EWSR1: variants seen among roughly 807,000 people sequenced by gnomAD.
EWSR1 encodes the protein EWS RNA binding protein 1.
Under a neutral mutation model 92.1 loss-of-function variants are expected in EWSR1, and 14 were observed. The ratio of observed to expected loss-of-function variants is 0.15; its 90% CI spans 0.10 to 0.24. The LOEUF (loss-of-function observed/expected upper bound fraction) is 0.24, where lower values mean the gene tolerates loss of function less well. Among genes scored for constraint, EWSR1 ranks in the 10% least tolerant of loss-of-function variants. The pLI, the probability that EWSR1 is intolerant of heterozygous loss-of-function variation, is 1.00. For synonymous variants in EWSR1, 303 were observed against 292.9 expected, an observed-to-expected ratio of 1.03 and a Z score of -0.35; for missense variants, 637 against 870.9, an observed-to-expected ratio of 0.73 and a Z score of 3.38.
At chr22:29,287,380 G>T (rs1026879142) in intron 7 of EWSR1, among the ~76,000 whole-genome samples, 2 of 152,072 alleles carry the variant, frequency 1.3e-5, no homozygotes, top group African/African-American at 4.8e-5. Context: ...GCTATTTTTT[G>T]TATTTTTCGT....
Position 29,298,915 on chromosome 22 carries a change from A to C in EWSR1, c.1580+20A>C. ...CAATCCGTATGTACTTGTCTTGGCA[A>C]ATTGATACCCTACGAGTGAAGCCAC... is the stretch of plus-strand genomic sequence containing the variant. On this transcript the variant is annotated intron_variant, in intron 14 of 16. Transcript: ENST00000397938. 1 of 1,527,716 alleles carries C rather than the reference A, an allele frequency of 6.5e-7. No homozygotes were observed. The highest frequency in any genetic ancestry group is 8.7e-7 in the Non-Finnish European group (1 of 1,143,654). The allele number at this position is 1,527,716 out of a possible 1,614,324, so 94.6% of individuals were successfully genotyped here.
intron 5 of EWSR1, 57 bp from the exon 6 acceptor site, chr22:29,282,333 T>A: frequency 6.9e-7 from 1 of 1,450,028 alleles, no homozygotes; most frequent in South Asian, 1.4e-5. Flanking sequence ...GTTTTGTGGT[T>A]GACCAACCAC....
chr22:29,287,988 G>A (rs1387226431), intron 7 of EWSR1, among the ~76,000 whole-genome samples: 3 of 152,118 alleles, frequency 2.0e-5, no homozygotes, highest in East Asian at 1.9e-4. Context: ...ACCACCCTGG[G>A]CAACATAGTG....
intron 4 of EWSR1, among the ~76,000 whole-genome samples, chr22:29,274,090 T>C (rs2058910920): frequency 6.6e-6 from 1 of 152,364 alleles, no homozygotes; most frequent in South Asian, 2.1e-4. Context: ...AAAGAACTTT[T>C]AACTGTTTGA....
At chr22:29,286,710 A>C (rs1377385364) in intron 6 of EWSR1, among the ~76,000 whole-genome samples, 1 of 140,300 alleles carries the variant, frequency 7.1e-6, no homozygotes, top group Non-Finnish European at 1.5e-5. Flanking sequence ...AAAAAAAAAA[A>C]AATTTTTTTG....
rs553791452 is a variant in EWSR1 at position 29,281,693 on chromosome 22, G to A, written c.414-697G>A. On this transcript the variant is annotated intron_variant, in intron 5 of 16. Coordinates refer to ENST00000397938, the MANE Select transcript of EWSR1 (RefSeq NM_005243.4). Reference sequence around the variant, plus strand: ...CCTCCTGGGTTCACGCCATTCTCCTGCCTCAGCTTCCTGAGTAGCTGGGAC... The same window carrying A: ...CCTCCTGGGTTCACGCCATTCTCCTACCTCAGCTTCCTGAGTAGCTGGGAC... Among the ~76,000 whole-genome samples the A allele has an allele frequency of 1.7e-3, 256 of 152,132 alleles. 1 individual carries two copies. Among genetic ancestry groups the A allele is most frequent in the African/African-American group, 5.7e-3 (237 of 41,488 alleles).
At chr22:29,290,708 T>C (rs1034002105) in intron 8 of EWSR1, 1 of 1,296,640 alleles carries the variant, frequency 7.7e-7, no homozygotes, top group Non-Finnish European at 9.8e-7. Context: ...TTATGGTGTG[T>C]ACTTTTAAAA....
At chr22:29,298,957 C>A in intron 14 of EWSR1, 62 bp downstream of exon 14, 1 of 1,480,622 alleles carries the variant, frequency 6.8e-7, no homozygotes, top group Non-Finnish European at 9.0e-7. Context: ...CTCACCCCAT[C>A]CCCACTCTAG....
chr22:29,292,191 G>A, intron 10 of EWSR1, 22 bp downstream of exon 10: 1 of 1,611,970 alleles, frequency 6.2e-7, no homozygotes, highest in East Asian at 2.2e-5. Context: ...TTCTAGTTGT[G>A]CTTCATATCG....
At chr22:29,298,610 G>A (rs746196344) in intron 13 of EWSR1, 123 bp from the exon 14 acceptor site, 339 of 1,225,744 alleles carry the variant, frequency 2.8e-4, no homozygotes, top group Admixed American at 1.2e-3. Context: ...ACGGAAACAC[G>A]GGACAGGTGA....
At chr22:29,296,667 A>C (rs993038301) in intron 12 of EWSR1, among the ~76,000 whole-genome samples, 3 of 152,254 alleles carry the variant, frequency 2.0e-5, no homozygotes, top group Non-Finnish European at 4.4e-5. Context: ...GTACATTTGC[A>C]TATAGATAAA....
chr22:29,292,333 A>AG (rs1260675262), intron 10 of EWSR1, among the ~76,000 whole-genome samples, 155 bp from the exon 11 acceptor site: 1 of 152,240 alleles, frequency 6.6e-6, no homozygotes, highest in African/African-American at 2.4e-5. Context: ...AATTGCCTTA[A>AG]GTGAAGTAAA....
intron 11 of EWSR1, 44 bp downstream of exon 11, chr22:29,292,650 A>T (rs111852854): frequency 2.1e-5 from 27 of 1,297,768 alleles, no homozygotes; most frequent in Non-Finnish European, 2.6e-5. Context: ...ACTTTAAACC[A>T]CAGAGCATTT....
At chr22:29,299,098 C>G in intron 14 of EWSR1, 136 bp from the exon 15 acceptor site, 1 of 1,533,834 alleles carries the variant, frequency 6.5e-7, no homozygotes, top group Non-Finnish European at 8.9e-7. Context: ...TGCAATGCTG[C>G]CTGAGGCTGT....
chr22:29,296,888 C>G (rs569616917), intron 12 of EWSR1, among the ~76,000 whole-genome samples: 2 of 152,006 alleles, frequency 1.3e-5, no homozygotes, highest in African/African-American at 4.8e-5. Flanking sequence ...AAAAAAAATA[C>G]AAAAATTAGC....
chr22:29,277,713 C>G (rs982528583), intron 4 of EWSR1: 1 of 297,394 alleles, frequency 3.4e-6, no homozygotes, highest in Non-Finnish European at 6.3e-6. Flanking sequence ...ACAGACTTGG[C>G]AAAAACAGAC....
Position 29,300,211 on chromosome 22 carries a change from C to T in EWSR1, c.*50C>T, listed in dbSNP as rs747348720. 2.0e-6 allele frequency: 3 copies of T among 1,535,420 alleles called. No homozygotes were observed. The highest frequency in any genetic ancestry group is 2.7e-6 in the Non-Finnish European group (3 of 1,115,890). ...TTGACTACCAGATTTATTTTTTAAA[C>T]CAGAAAATGTTTTAAATTTATAATT... On this transcript the variant is annotated 3_prime_UTR_variant, in exon 17 of 17. Transcript: ENST00000397938.
rs773059081 is a variant in EWSR1 at position 29,268,396 on chromosome 22, C to G, written c.13+47C>G. On this transcript the variant is annotated intron_variant, in intron 1 of 16. Coordinates refer to ENST00000397938, the MANE Select transcript of EWSR1 (RefSeq NM_005243.4). ...TCGCGCCGGCGGTAGCCGGAACGCC[C>G]AAACTGGGGGTCGTTCGTCTCTGGG... 3 of 1,613,692 alleles carry G rather than the reference C, an allele frequency of 1.9e-6. No homozygotes were observed. The African/African-American group carries it at 4.0e-5, about 22-fold the overall frequency.
At chr22:29,294,329 G>A (rs577562511) in intron 11 of EWSR1, among the ~76,000 whole-genome samples, 39 of 152,144 alleles carry the variant, frequency 2.6e-4, no homozygotes, top group African/African-American at 5.8e-4. Context: ...TGATTTGGCC[G>A]GGCGCGGTAG....
Sources: gnomAD v4.1 joint callset for allele counts (sites outside exome capture counted in the v4.1 genomes callset) on GRCh38, gnomAD v4.1.1 for gene constraint, MANE v1.5 for transcripts, NCBI Gene and HGNC (gene_info 2026-07-23, HGNC 2026-07-21) for gene names.